PLXDC2: variants seen among roughly 807,000 people sequenced by gnomAD.
PLXDC2 encodes plexin domain containing 2.
In PLXDC2, 40 loss-of-function variants were observed where a neutral mutation model predicts 68.9. That is an observed-to-expected ratio of 0.58 (90% CI 0.45 to 0.76). The LOEUF (loss-of-function observed/expected upper bound fraction) is 0.76, where lower values mean the gene tolerates loss of function less well. Ranked by LOEUF, PLXDC2 falls within the 30% of genes least tolerant of loss-of-function variation. The pLI is 0.00. For synonymous variants in PLXDC2, 243 were observed against 234.2 expected, an observed-to-expected ratio of 1.04 and a Z score of -0.34; for missense variants, 644 against 661.9, an observed-to-expected ratio of 0.97 and a Z score of 0.30.
intron 1 of PLXDC2, among the ~76,000 whole-genome samples, chr10:19,980,173 A>G (rs998804587): frequency 6.6e-6 from 1 of 152,182 alleles, no homozygotes; most frequent in African/African-American, 2.4e-5. Context: ...TTTTAATAGC[A>G]AGATGTTCTT....
intron 13 of PLXDC2, among the ~76,000 whole-genome samples, chr10:20,271,033 A>C (rs910680661): frequency 1.3e-5 from 2 of 152,050 alleles, no homozygotes; most frequent in Non-Finnish European, 2.9e-5. Flanking sequence ...TTGAAACCCA[A>C]GAGAATAAAG....
intron 11 of PLXDC2, 24 bp from the exon 12 acceptor site, chr10:20,219,040 A>G (rs751222107): frequency 3.1e-6 from 5 of 1,606,270 alleles, no homozygotes; most frequent in South Asian, 1.1e-5. Flanking sequence ...TTTCTGTTAT[A>G]GTAACTTTGA....
Position 20,053,105 on chromosome 10 carries a change from T to G in PLXDC2, c.471+6090T>G, listed in dbSNP as rs149011519. Among the ~76,000 whole-genome samples the G allele has an allele frequency of 9.8e-3, 1,495 of 152,264 alleles. 14 individuals are homozygous for G. Among genetic ancestry groups the G allele is most frequent in the Middle Eastern group, 0.027 (8 of 294 alleles). On this transcript the variant is annotated intron_variant, in intron 3 of 13. Transcript: ENST00000377252. ...AATATCTTCTAATTTCAGAGCAGAATAAAACTTAGAAATCATTTAATTCAC... is the reference window on the plus strand; with the variant it reads ...AATATCTTCTAATTTCAGAGCAGAAGAAAACTTAGAAATCATTTAATTCAC...
intron 9 of PLXDC2, among the ~76,000 whole-genome samples, chr10:20,211,336 A>G (rs959983194): frequency 6.6e-6 from 1 of 152,170 alleles, no homozygotes; most frequent in Non-Finnish European, 1.5e-5. Context: ...TGAGAAAAAA[A>G]ATACAAGGTA....
rs77220722 is a variant in PLXDC2 at position 20,240,162 on chromosome 10, C to A, written c.1313-5183C>A. ...GTATTCAATGTTTAACACACACTTACAAGTGAGAACATAGGGTATTTGGCT... is the reference window on the plus strand; with the variant it reads ...GTATTCAATGTTTAACACACACTTAAAAGTGAGAACATAGGGTATTTGGCT... On this transcript the variant is annotated intron_variant, in intron 12 of 13. Coordinates refer to ENST00000377252, the MANE Select transcript of PLXDC2 (RefSeq NM_032812.9). Among the ~76,000 whole-genome samples the A allele has an allele frequency of 9.9e-5, 15 of 152,276 alleles. No individual in the cohort carries two copies. In the East Asian group the frequency reaches 2.1e-3, roughly 22 times the overall value.
At chr10:20,117,540 A>G (rs1020631675) in intron 4 of PLXDC2, among the ~76,000 whole-genome samples, 3 of 152,230 alleles carry the variant, frequency 2.0e-5, no homozygotes, top group African/African-American at 7.2e-5. Flanking sequence ...AGACATAACA[A>G]GGAAACATGG....
At chr10:20,242,111 C>T (rs1406541074) in intron 12 of PLXDC2, among the ~76,000 whole-genome samples, 1 of 152,092 alleles carries the variant, frequency 6.6e-6, no homozygotes. Context: ...TACATTTTCC[C>T]TAAAGCCACA....
chr10:19,862,623 T>C (rs1349024066), intron 1 of PLXDC2, among the ~76,000 whole-genome samples: 1 of 152,238 alleles, frequency 6.6e-6, no homozygotes, highest in Non-Finnish European at 1.5e-5. Flanking sequence ...ACTGGGTTTA[T>C]GTATAGCTAG....
chr10:20,078,646 A>G (rs1410055117), intron 4 of PLXDC2, among the ~76,000 whole-genome samples: 3 of 152,306 alleles, frequency 2.0e-5, no homozygotes, highest in Non-Finnish European at 2.9e-5. Context: ...AAATGATGAC[A>G]TTGTGTTTAT....
intron 10 of PLXDC2, among the ~76,000 whole-genome samples, chr10:20,213,285 C>T (rs1273735788): frequency 6.6e-6 from 1 of 151,854 alleles, no homozygotes. Flanking sequence ...TGATGGATAG[C>T]CAAATTTCAA....
At chr10:20,004,664 A>T (rs1004735537) in intron 2 of PLXDC2, among the ~76,000 whole-genome samples, 2 of 152,208 alleles carry the variant, frequency 1.3e-5, no homozygotes, top group Admixed American at 1.3e-4. Flanking sequence ...AGAGGAGAAC[A>T]CAGATTCCAA....
intron 13 of PLXDC2, among the ~76,000 whole-genome samples, chr10:20,253,768 C>T (rs1003908032): frequency 1.3e-5 from 2 of 152,120 alleles, no homozygotes; most frequent in Non-Finnish European, 2.9e-5. Flanking sequence ...GTATTATTCT[C>T]TTTAATACAG....
At chr10:20,202,971 C>T (rs1173119909) in intron 9 of PLXDC2, among the ~76,000 whole-genome samples, 4 of 152,056 alleles carry the variant, frequency 2.6e-5, no homozygotes, top group African/African-American at 9.7e-5. Flanking sequence ...CCTGAAAATG[C>T]ACAAATGAGG....
At chr10:20,218,780 C>G (rs1835173304) in intron 11 of PLXDC2, among the ~76,000 whole-genome samples, 1 of 152,004 alleles carries the variant, frequency 6.6e-6, no homozygotes, top group African/African-American at 2.4e-5. Context: ...TTAAAAATAG[C>G]TGTATTTTAA....
chr10:20,092,187 G>T (rs570463577), intron 4 of PLXDC2, among the ~76,000 whole-genome samples: 2 of 152,138 alleles, frequency 1.3e-5, no homozygotes, highest in Admixed American at 1.3e-4. Context: ...ATGAAATACC[G>T]CATAAGTAAT....
Position 20,125,447 on chromosome 10 carries a change from G to A in PLXDC2, c.542-17848G>A, listed in dbSNP as rs537413512. Among the ~76,000 whole-genome samples the A allele has an allele frequency of 7.9e-5, 12 of 152,278 alleles. No individual in the cohort carries two copies. The East Asian group carries it at 2.3e-3, about 29-fold the overall frequency. ...GTTTGTAGTCTTGGATGAAGGGCTGGATAGAGAGATTGTATACCATCACCT... is the reference window on the plus strand; with the variant it reads ...GTTTGTAGTCTTGGATGAAGGGCTGAATAGAGAGATTGTATACCATCACCT... On this transcript the variant is annotated intron_variant, in intron 4 of 13. Transcript: ENST00000377252.
In PLXDC2 at chr10:20,279,985, G is replaced by A; in HGVS notation, c.*166G>A. On this transcript the variant is annotated 3_prime_UTR_variant, in exon 14 of 14. Transcript: ENST00000377252. ...ACAAGCTCAGCCCAGGAAACAAAGG[G>A]TAAACAAAAAACTAAAACTTATACA... 2 of 589,650 alleles carry A rather than the reference G, an allele frequency of 3.4e-6. No individual in the cohort carries two copies. Among genetic ancestry groups the A allele is most frequent in the East Asian group, 2.8e-5 (1 of 36,122 alleles). The allele number at this position is 589,650 out of a possible 1,614,324, so 36.5% of individuals were successfully genotyped here. A position where few individuals can be genotyped will look rare whatever the true frequency, so the allele number is the denominator to read the frequency against.
chr10:19,856,285 G>A (rs1837210498), intron 1 of PLXDC2, among the ~76,000 whole-genome samples: 1 of 150,562 alleles, frequency 6.6e-6, no homozygotes, highest in Non-Finnish European at 1.5e-5. Context: ...TTTGCTTTTA[G>A]GCTTTGGCAT....
At chr10:20,021,676 T>A (rs1019743239) in intron 2 of PLXDC2, among the ~76,000 whole-genome samples, 2 of 149,030 alleles carry the variant, frequency 1.3e-5, no homozygotes, top group South Asian at 4.3e-4. Context: ...ACATTTTTTT[T>A]TATTATTTAT....
Sources: allele counts gnomAD v4.1 joint callset (sites outside exome capture counted in the v4.1 genomes callset), GRCh38; gene constraint gnomAD v4.1.1; transcripts MANE v1.5; gene names NCBI Gene and HGNC (gene_info 2026-07-23, HGNC 2026-07-21).